Variants in FBXL17 observed in about 807,000 individuals in gnomAD.
FBXL17 encodes F-box and leucine rich repeat protein 17.
In FBXL17, 22 loss-of-function variants were observed where a neutral mutation model predicts 66.2. The observed-to-expected ratio is 0.33, with a 90% CI of 0.24 to 0.47. FBXL17 has a LOEUF of 0.47. FBXL17 is among the 20% of genes least tolerant of loss of function. The pLI, the probability that FBXL17 is intolerant of heterozygous loss-of-function variation, is 1.00. For missense variants in FBXL17, 878 were observed against 948.2 expected, an observed-to-expected ratio of 0.93 and a Z score of 0.97; for synonymous variants, 474 against 400.5, an observed-to-expected ratio of 1.18 and a Z score of -2.19.
intron 4 of FBXL17, among the ~76,000 whole-genome samples, chr5:108,267,625 G>A (rs1441467473): frequency 2.0e-5 from 3 of 151,942 alleles, no homozygotes; most frequent in Admixed American, 6.6e-5. Flanking sequence ...CCTATTCTGG[G>A]GCAGGCACTA....
chr5:107,906,600 T>G lies in FBXL17; in HGVS notation c.1823-25421A>C, dbSNP rs546858544. 3.3e-5 allele frequency among the ~76,000 whole-genome samples: 5 copies of G among 152,176 alleles called. No individual in the cohort carries two copies. In the South Asian group the frequency reaches 1.0e-3, roughly 32 times the overall value. On this transcript the variant is annotated intron_variant, in intron 7 of 8. Transcript: ENST00000542267. The stretch of plus-strand genomic sequence containing the variant: ...ATAAGAAGTAGGGACAGGACTGGAG[T>G]CCAGGTCTGTCTGACCATACAGGAT...
Position 108,047,680 on chromosome 5 carries a change from G to A in FBXL17, c.1746-26679C>T, listed in dbSNP as rs189024792. ...CAACACACCGGCTGTGGCATACTGC[G>A]GCCAGAGCACCTCTTCAGGCCTCAT... On this transcript the variant is annotated intron_variant, in intron 6 of 8. Transcript: ENST00000542267. 6.6e-5 allele frequency among the ~76,000 whole-genome samples: 10 copies of A among 152,208 alleles called. No homozygotes were observed. The East Asian group carries it at 1.2e-3, about 18-fold the overall frequency.
At chr5:108,009,280 T>TAGATAG (rs1317627226) in intron 7 of FBXL17, among the ~76,000 whole-genome samples, 715 of 22,708 alleles carry the variant, frequency 0.031, 147 homozygotes, top group Non-Finnish European at 0.05. Flanking sequence ...TATATATATA[T>TAGATAG]ATATATATAT....
chr5:108,283,951 AATC>A (rs1302493215), intron 4 of FBXL17, among the ~76,000 whole-genome samples: 1 of 151,994 alleles, frequency 6.6e-6, no homozygotes, highest in Admixed American at 6.6e-5. Flanking sequence ...CCACATCGCT[AATC>A]ATCAGAGAAA....
intron 7 of FBXL17, among the ~76,000 whole-genome samples, chr5:107,904,710 A>C (rs1266583213): frequency 6.6e-6 from 1 of 152,194 alleles, no homozygotes; most frequent in Non-Finnish European, 1.5e-5. Context: ...CTAATAATAA[A>C]ATGTAATAAC....
chr5:107,867,602 C>T (rs80031948), intron 8 of FBXL17, among the ~76,000 whole-genome samples: 1,841 of 152,330 alleles, frequency 0.012, 44 homozygotes, highest in African/African-American at 0.042. Context: ...ATTTAAGCTC[C>T]CTTTTAATGT....
At chr5:107,973,353 A>AATTT (rs1752448582) in intron 7 of FBXL17, among the ~76,000 whole-genome samples, 1 of 138,660 alleles carries the variant, frequency 7.2e-6, no homozygotes, top group Non-Finnish European at 1.6e-5. Flanking sequence ...TTTTTTTTGT[A>AATTT]ATTTTTTTTT....
intron 6 of FBXL17, among the ~76,000 whole-genome samples, chr5:108,069,377 A>G (rs181176369): frequency 1.3e-5 from 2 of 152,352 alleles, no homozygotes; most frequent in East Asian, 3.9e-4. Flanking sequence ...TAGGAACATT[A>G]AGGATATACT....
At chr5:108,020,743 T>G (rs929013647) in intron 7 of FBXL17, 182 bp downstream of exon 7, 1 of 499,722 alleles carries the variant, frequency 2.0e-6, no homozygotes, top group African/African-American at 1.9e-5. Context: ...AATATGCATA[T>G]TCATTTTACT....
At chr5:108,076,713 TC>T (rs925785314) in intron 6 of FBXL17, among the ~76,000 whole-genome samples, 36 of 152,110 alleles carry the variant, frequency 2.4e-4, no homozygotes, top group Non-Finnish European at 2.9e-5. Context: ...CAATGTCCCC[TC>T]CCCTTTCTAC....
chr5:108,232,804 T>TATATATATATATATATATAA (rs1252750270), intron 4 of FBXL17, among the ~76,000 whole-genome samples: 6 of 112,030 alleles, frequency 5.4e-5, no homozygotes, highest in East Asian at 2.4e-4. Context: ...TATATATATA[T>TATATATATATATATATATAA]AATATATACT....
chr5:107,861,543 G>A lies in FBXL17; in HGVS notation c.*177C>T, dbSNP rs764123785. Reference sequence around the variant, plus strand: ...TCTAAGAAAAAAAGCCAGCTCACTTGGGAACAAATGACAACTGCACTTTTG... The same window carrying A: ...TCTAAGAAAAAAAGCCAGCTCACTTAGGAACAAATGACAACTGCACTTTTG... On this transcript the variant is annotated 3_prime_UTR_variant, in exon 9 of 9. Transcript: ENST00000542267. 18 of 496,340 alleles carry A rather than the reference G, an allele frequency of 3.6e-5. No individual in the cohort carries two copies. Among genetic ancestry groups the A allele is most frequent in the Non-Finnish European group, 4.7e-5 (15 of 318,572 alleles). The allele number at this position is 496,340 out of a possible 1,614,324, so 30.7% of individuals were successfully genotyped here. A position where few individuals can be genotyped will look rare whatever the true frequency, so the allele number is the denominator to read the frequency against.
At chr5:107,885,447 C>A (rs1211508388) in intron 7 of FBXL17, among the ~76,000 whole-genome samples, 3 of 152,138 alleles carry the variant, frequency 2.0e-5, no homozygotes, top group Non-Finnish European at 2.9e-5. Context: ...AAAATTACTT[C>A]CGTATATACA....
At chr5:108,289,185 A>G (rs1003546376) in intron 4 of FBXL17, among the ~76,000 whole-genome samples, 5 of 152,294 alleles carry the variant, frequency 3.3e-5, no homozygotes, top group African/African-American at 1.2e-4. Flanking sequence ...ATTAAATGAT[A>G]TAACACACAC....
chr5:108,062,503 T>C (rs1347588833), intron 6 of FBXL17, among the ~76,000 whole-genome samples: 3 of 152,040 alleles, frequency 2.0e-5, no homozygotes, highest in African/African-American at 7.2e-5. Flanking sequence ...AAGAAAGCAA[T>C]GAGGAGAGAA....
intron 7 of FBXL17, among the ~76,000 whole-genome samples, chr5:107,945,433 C>G (rs1182681369): frequency 6.6e-6 from 1 of 151,934 alleles, no homozygotes; most frequent in Non-Finnish European, 1.5e-5. Context: ...CATTGCAGCA[C>G]TGTAATATAA....
At chr5:108,070,516 T>C (rs1378803980) in intron 6 of FBXL17, among the ~76,000 whole-genome samples, 1 of 152,212 alleles carries the variant, frequency 6.6e-6, no homozygotes, top group Non-Finnish European at 1.5e-5. Context: ...TCACTACGAA[T>C]GCTTCAAACC....
intron 6 of FBXL17, among the ~76,000 whole-genome samples, chr5:108,180,472 C>T (rs1298994658): frequency 1.3e-5 from 2 of 151,648 alleles, no homozygotes; most frequent in Non-Finnish European, 2.9e-5. Flanking sequence ...TGCCACTGCA[C>T]TCCAGCCTGG....
chr5:107,877,404 C>T (rs74926942), intron 8 of FBXL17, among the ~76,000 whole-genome samples: 1,953 of 152,168 alleles, frequency 0.013, 50 homozygotes, highest in African/African-American at 0.044. Context: ...AGAGAGACGG[C>T]GGGTGGGGGT....
Sources: gnomAD v4.1 joint callset for allele counts (sites outside exome capture counted in the v4.1 genomes callset) on GRCh38, gnomAD v4.1.1 for gene constraint, MANE v1.5 for transcripts, NCBI Gene and HGNC (gene_info 2026-07-23, HGNC 2026-07-21) for gene names.